The following CSMD1 variants were observed in gnomAD, a reference collection of about 807,000 sequenced individuals.
CSMD1 encodes the protein CUB and sushi domain-containing protein 1.
CSMD1 carries 213 observed loss-of-function variants against 417.5 expected under a neutral mutation model. The ratio of observed to expected loss-of-function variants is 0.51; its 90% CI spans 0.46 to 0.57. The LOEUF (loss-of-function observed/expected upper bound fraction) is 0.57, where lower values mean the gene tolerates loss of function less well. Ranked by LOEUF, CSMD1 falls within the 20% of genes least tolerant of loss-of-function variation. The pLI, the probability that CSMD1 is intolerant of heterozygous loss-of-function variation, is 0.00. For missense variants in CSMD1, 6,923 were observed against 4,529.7 expected, an observed-to-expected ratio of 1.53 and a Z score of -15.17; for synonymous variants, 2,862 against 1,736.8, an observed-to-expected ratio of 1.65 and a Z score of -16.11.
chr8:3,853,730 G>A (rs893627798), intron 5 of CSMD1, among the ~76,000 whole-genome samples: 2 of 151,846 alleles, frequency 1.3e-5, no homozygotes, highest in Admixed American at 1.3e-4. Context: ...GGGGTGGGGG[G>A]AGCAGGGAAG....
intron 2 of CSMD1, among the ~76,000 whole-genome samples, chr8:4,488,171 C>T (rs1442894651): frequency 6.6e-6 from 1 of 152,144 alleles, no homozygotes; most frequent in Non-Finnish European, 1.5e-5. Context: ...TTACAGCTTC[C>T]AGAACTGTGA....
At chr8:3,221,228 T>G (rs574707697) in intron 28 of CSMD1, among the ~76,000 whole-genome samples, 32 of 152,310 alleles carry the variant, frequency 2.1e-4, no homozygotes, top group African/African-American at 7.7e-4. Flanking sequence ...GGGTCAAGGA[T>G]ACCCTCACTC....
At chr8:3,368,391 C>G (rs909388419) in intron 19 of CSMD1, among the ~76,000 whole-genome samples, 2 of 152,156 alleles carry the variant, frequency 1.3e-5, no homozygotes, top group Non-Finnish European at 2.9e-5. Flanking sequence ...GGCTGGAGTA[C>G]AGTGGCGCAA....
intron 29 of CSMD1, among the ~76,000 whole-genome samples, chr8:3,217,111 G>C (rs1397198080): frequency 1.4e-4 from 21 of 151,946 alleles, no homozygotes; most frequent in Non-Finnish European, 2.5e-4. Flanking sequence ...CCCTAGGCTG[G>C]ATGCAATGGC....
intron 3 of CSMD1, among the ~76,000 whole-genome samples, chr8:4,195,365 G>T (rs958523488): frequency 6.6e-6 from 1 of 152,068 alleles, no homozygotes; most frequent in African/African-American, 2.4e-5. Flanking sequence ...TAACAAATTG[G>T]ATCTTCTATA....
chr8:4,027,529 C>T (rs374709486), intron 4 of CSMD1, among the ~76,000 whole-genome samples: 13 of 152,236 alleles, frequency 8.5e-5, no homozygotes, highest in South Asian at 6.2e-4. Context: ...CTGTACTTCT[C>T]GCTCCTGCTG....
At chr8:3,106,747 T>C in intron 45 of CSMD1, 106 bp from the exon 46 acceptor site, 1 of 562,378 alleles carries the variant, frequency 1.8e-6, no homozygotes, top group Non-Finnish European at 3.2e-6. Context: ...AACTTGCAAA[T>C]CTTTTTAGAA....
intron 9 of CSMD1, among the ~76,000 whole-genome samples, chr8:3,583,329 G>C (rs4875740): frequency 0.38 from 56,940 of 151,588 alleles, 11,334 homozygotes; most frequent in Middle Eastern, 0.46. Context: ...TTGTGGGTCA[G>C]AGCTGCATGG....
intron 2 of CSMD1, among the ~76,000 whole-genome samples, chr8:4,506,910 T>C (rs917497449): frequency 6.6e-6 from 1 of 152,206 alleles, no homozygotes; most frequent in African/African-American, 2.4e-5. Context: ...TTCTGTATCT[T>C]AGGTACATTT....
chr8:3,045,419 A>G (rs1216431133), intron 50 of CSMD1, among the ~76,000 whole-genome samples: 1 of 152,218 alleles, frequency 6.6e-6, no homozygotes, highest in Non-Finnish European at 1.5e-5. Context: ...AAGTGAAGCT[A>G]CCTTAAGCCC....
chr8:3,460,570 G>C (rs1388117090), intron 12 of CSMD1, among the ~76,000 whole-genome samples: 1 of 152,110 alleles, frequency 6.6e-6, no homozygotes, highest in African/African-American at 2.4e-5. Flanking sequence ...AGGCCGCCTA[G>C]AGGGGACACT....
intron 2 of CSMD1, among the ~76,000 whole-genome samples, chr8:4,618,489 G>A (rs931872676): frequency 6.6e-6 from 1 of 151,690 alleles, no homozygotes; most frequent in Non-Finnish European, 1.5e-5. Context: ...GGGAAACCAA[G>A]AACAAAGCTC....
rs1425979217 is a variant in CSMD1 at position 3,096,907 on chromosome 8, G to A, written c.7080C>T (p.Thr2360=). ...CACTTTGAAATGTGTCCACAAAGAT[G>A]GTAATGTTGTAGTTTGGTTCCACTT... The part of the protein sequence containing the change: ...SIKVEPNYNI[T]IFVDTFQSEK... Residue 2360 remains threonine, a synonymous_variant, in exon 47 of 70, where the codon ACC becomes ACT. Transcript: ENST00000635120. 16 of 1,557,294 alleles carry A rather than the reference G, an allele frequency of 1.0e-5. No individual in the cohort carries two copies. Among genetic ancestry groups the A allele is most frequent in the Non-Finnish European group, 1.4e-5 (16 of 1,149,258 alleles).
chr8:3,911,564 G>A (rs1007320278), intron 5 of CSMD1, among the ~76,000 whole-genome samples: 4 of 150,812 alleles, frequency 2.7e-5, no homozygotes, highest in African/African-American at 4.9e-5. Flanking sequence ...AGAAGAAAAC[G>A]AAGGCTATAT....
chr8:4,353,855 G>T (rs1220476650), intron 3 of CSMD1, among the ~76,000 whole-genome samples: 1 of 152,064 alleles, frequency 6.6e-6, no homozygotes, highest in Non-Finnish European at 1.5e-5. Context: ...CTTAATTATG[G>T]CTCATCTGGT....
At chr8:4,181,097 A>G (rs536414515) in intron 3 of CSMD1, among the ~76,000 whole-genome samples, 2 of 152,158 alleles carry the variant, frequency 1.3e-5, no homozygotes, top group African/African-American at 4.8e-5. Context: ...GAACATTCCA[A>G]CACATGATTG....
chr8:3,832,394 G>A (rs533461065), intron 5 of CSMD1, among the ~76,000 whole-genome samples: 1 of 152,108 alleles, frequency 6.6e-6, no homozygotes, highest in Non-Finnish European at 1.5e-5. Flanking sequence ...TTTCTCAATT[G>A]AATTATTTTA....
chr8:3,315,906 G>C (rs966375211), intron 23 of CSMD1, among the ~76,000 whole-genome samples: 1 of 152,170 alleles, frequency 6.6e-6, no homozygotes, highest in East Asian at 1.9e-4. Context: ...TTAATCCCAA[G>C]TGAATTTAAT....
intron 11 of CSMD1, among the ~76,000 whole-genome samples, chr8:3,487,289 C>T (rs1025977473): frequency 1.3e-5 from 2 of 152,130 alleles, no homozygotes; most frequent in African/African-American, 4.8e-5. Flanking sequence ...GCAAGCTCCA[C>T]CTCCTGGGTT....
Sources: gnomAD v4.1 joint callset for allele counts (sites outside exome capture counted in the v4.1 genomes callset) on GRCh38, gnomAD v4.1.1 for gene constraint, MANE v1.5 for transcripts, NCBI Gene and HGNC (gene_info 2026-07-23, HGNC 2026-07-21) for gene names.